The following PDGFRA variants were observed in gnomAD, a reference collection of about 807,000 sequenced individuals.
The protein encoded by PDGFRA is platelet derived growth factor receptor alpha, also known as platelet-derived growth factor receptor alpha.
PDGFRA carries 25 observed loss-of-function variants against 121.5 expected under a neutral mutation model. The ratio of observed to expected loss-of-function variants is 0.21; its 90% CI spans 0.15 to 0.29. The LOEUF is 0.29. PDGFRA is among the 10% of genes least tolerant of loss of function. The probability of loss-of-function intolerance (pLI) is 1.00; values close to 1 mark genes in which losing one functional copy is unlikely to be tolerated. For missense variants in PDGFRA, 1,008 were observed against 1,345.1 expected (o/e 0.75, Z 3.92); for synonymous variants, 463 against 494.8 (o/e 0.94, Z 0.85).
At chr4:54,236,933 T>C (rs1183558682) in intron 1 of PDGFRA, among the ~76,000 whole-genome samples, 1 of 152,188 alleles carries the variant, frequency 6.6e-6, no homozygotes, top group Non-Finnish European at 1.5e-5. Flanking sequence ...GTTTATTCTC[T>C]TCCTTCCTGA....
chr4:54,258,937 G>C, intron 2 of PDGFRA, 120 bp downstream of exon 2: 1 of 836,048 alleles, frequency 1.2e-6, no homozygotes, highest in South Asian at 1.4e-5. Context: ...AAAAGAAATA[G>C]AAAACTATAG....
At chr4:54,231,987 G>A (rs1023565411) in intron 1 of PDGFRA, among the ~76,000 whole-genome samples, 1 of 152,256 alleles carries the variant, frequency 6.6e-6, no homozygotes, top group Non-Finnish European at 1.5e-5. Context: ...GCCTCCTGGG[G>A]ACGGACCGTG....
At chr4:54,284,004 G>T (rs1724193478) in intron 16 of PDGFRA, among the ~76,000 whole-genome samples, 1 of 152,168 alleles carries the variant, frequency 6.6e-6, no homozygotes, top group Non-Finnish European at 1.5e-5. Context: ...TGAACACTTT[G>T]CTGCTTAGAA....
At position 54,288,806 on chromosome 4, in the gene PDGFRA, C is replaced by T. The variant is rs951449551; in HGVS notation, c.2682C>T (p.Thr894=). ...LLWEIFSLGG[T]PYPGMMVDST... ...TTATTGTTTGGCTTTTAGGTGGCAC[C>T]CCTTACCCCGGCATGATGGTGGATT... Residue 894 remains threonine, a synonymous_variant, in exon 20 of 23, where the codon ACC becomes ACT. Coordinates refer to ENST00000257290, the MANE Select transcript of PDGFRA (RefSeq NM_006206.6). The T allele has an allele frequency of 1.9e-6, 3 of 1,607,986 alleles. No individual in the cohort carries two copies. Among genetic ancestry groups the T allele is most frequent in the Non-Finnish European group, 2.6e-6 (3 of 1,174,404 alleles).
intron 1 of PDGFRA, among the ~76,000 whole-genome samples, chr4:54,246,387 C>G (rs1259341031): frequency 1.3e-5 from 2 of 152,198 alleles, no homozygotes; most frequent in African/African-American, 4.8e-5. Flanking sequence ...ACAGTGCAAT[C>G]AAACCAGAAC....
chr4:54,291,760 C>T (rs901233176), intron 22 of PDGFRA, among the ~76,000 whole-genome samples: 2 of 152,142 alleles, frequency 1.3e-5, no homozygotes, highest in African/African-American at 2.4e-5. Flanking sequence ...CCATTGGATC[C>T]AGCAATCCCA....
intron 2 of PDGFRA, among the ~76,000 whole-genome samples, chr4:54,260,387 T>C (rs1277471478): frequency 6.7e-6 from 1 of 149,130 alleles, no homozygotes; most frequent in Non-Finnish European, 1.5e-5. Flanking sequence ...TCCATTCTTA[T>C]TCCATGTGGG....
chr4:54,286,001 C>T (rs2110338630), intron 18 of PDGFRA, 38 bp downstream of exon 18: 1 of 1,605,964 alleles, frequency 6.2e-7, no homozygotes, highest in Non-Finnish European at 8.5e-7. Flanking sequence ...GGCTCATCCT[C>T]CTTCACTTTA....
At chr4:54,276,543 G>A (rs1233198531) in intron 12 of PDGFRA, among the ~76,000 whole-genome samples, 1 of 152,158 alleles carries the variant, frequency 6.6e-6, no homozygotes, top group East Asian at 1.9e-4. Context: ...TTCCCAACAA[G>A]GGATGAGGAG....
chr4:54,239,061 A>C (rs1721158274), intron 1 of PDGFRA, among the ~76,000 whole-genome samples: 1 of 152,244 alleles, frequency 6.6e-6, no homozygotes, highest in Non-Finnish European at 1.5e-5. Flanking sequence ...GAAGATGGTG[A>C]TGAAAGTGAC....
At chr4:54,249,407 G>A (rs917878754) in intron 1 of PDGFRA, among the ~76,000 whole-genome samples, 1 of 152,116 alleles carries the variant, frequency 6.6e-6, no homozygotes, top group African/African-American at 2.4e-5. Flanking sequence ...ATGATAGACT[G>A]GATTAAGAAA....
intron 1 of PDGFRA, among the ~76,000 whole-genome samples, chr4:54,254,379 T>A (rs1487019243): frequency 6.6e-6 from 1 of 152,194 alleles, no homozygotes; most frequent in Non-Finnish European, 1.5e-5. Context: ...TTCTCAGTAT[T>A]TGCCTCCTGA....
Position 54,297,383 on chromosome 4 carries a change from G to A in PDGFRA, c.*2111G>A, listed in dbSNP as rs554089461. ...TATCCAACTTTTTCATAGTAAGTGCGAAGACTGAGCCAGATTGGCCAATTA... is the reference window on the plus strand; with the variant it reads ...TATCCAACTTTTTCATAGTAAGTGCAAAGACTGAGCCAGATTGGCCAATTA... On this transcript the variant is annotated 3_prime_UTR_variant, in exon 23 of 23. Coordinates refer to ENST00000257290, the MANE Select transcript of PDGFRA (RefSeq NM_006206.6). 3.4e-5 allele frequency: 8 copies of A among 233,696 alleles called. No individual in the cohort carries two copies. The highest frequency in any genetic ancestry group is 1.1e-4 in the African/African-American group (5 of 45,472). The allele number at this position is 233,696 out of a possible 1,614,324, so 14.5% of individuals were successfully genotyped here. A position where few individuals can be genotyped will look rare whatever the true frequency, so the allele number is the denominator to read the frequency against.
chr4:54,274,770 G>A (rs2110298491), intron 11 of PDGFRA, 71 bp from the exon 12 acceptor site: 1 of 1,557,426 alleles, frequency 6.4e-7, no homozygotes, highest in Admixed American at 1.7e-5. Context: ...CAGTCACTGT[G>A]CTGCTTCAGT....
In PDGFRA at chr4:54,281,677, C is replaced by T. The variant is rs1313408257; in HGVS notation, c.2323+1195C>T. The T allele has an allele frequency of 1.2e-5, 17 of 1,361,502 alleles. No individual in the cohort carries two copies. Among genetic ancestry groups the T allele is most frequent in the Middle Eastern group, 1.9e-4 (1 of 5,154 alleles). 84.3% of individuals were successfully genotyped at this position (1,361,502 alleles called of 1,614,324 possible). On this transcript the variant is annotated intron_variant, in intron 16 of 22. Coordinates refer to ENST00000257290, the MANE Select transcript of PDGFRA (RefSeq NM_006206.6). ...GGCAGACCACTGCTTTCTGGCCTTC[C>T]GTGACTATCTGAAAAAAATCGTGAA...
chr4:54,258,863 T>C (rs1176868897), intron 2 of PDGFRA, 46 bp downstream of exon 2: 26 of 1,498,456 alleles, frequency 1.7e-5, no homozygotes, highest in Non-Finnish European at 2.2e-5. Flanking sequence ...GGTGTCTTGT[T>C]TTTTTAAGCT....
chr4:54,245,392 G>C (rs1283404637), intron 1 of PDGFRA, among the ~76,000 whole-genome samples: 1 of 151,666 alleles, frequency 6.6e-6, no homozygotes, highest in Non-Finnish European at 1.5e-5. Flanking sequence ...AGCCAGAAGA[G>C]AGTGGGGGCC....
At chr4:54,240,305 A>AG (rs1472208378) in intron 1 of PDGFRA, among the ~76,000 whole-genome samples, 25 of 152,210 alleles carry the variant, frequency 1.6e-4, no homozygotes, top group Non-Finnish European at 7.3e-5. Flanking sequence ...TGACCCTGGG[A>AG]CACCAGGGTC....
rs935624891 is a variant in PDGFRA at position 54,298,023 on chromosome 4, A to T, written c.*2751A>T. Reference sequence around the variant, plus strand: ...TGTGATAATCCCCACAGGCACATTAACTGTTGCACTTTTGAATGTCCAAAA... The same window carrying T: ...TGTGATAATCCCCACAGGCACATTATCTGTTGCACTTTTGAATGTCCAAAA... On this transcript the variant is annotated 3_prime_UTR_variant, in exon 23 of 23. Coordinates refer to ENST00000257290, the MANE Select transcript of PDGFRA (RefSeq NM_006206.6). 4 of 230,416 alleles carry T rather than the reference A, an allele frequency of 1.7e-5. No individual in the cohort carries two copies. The highest frequency in any genetic ancestry group is 8.8e-5 in the African/African-American group (4 of 45,284). 14.3% of individuals were successfully genotyped at this position (230,416 alleles called of 1,614,324 possible).
Sources: gnomAD v4.1 joint callset for allele counts (sites outside exome capture counted in the v4.1 genomes callset) on GRCh38, gnomAD v4.1.1 for gene constraint, MANE v1.5 for transcripts, NCBI Gene and HGNC (gene_info 2026-07-23, HGNC 2026-07-21) for gene names.